The following ZBTB7C variants were observed in gnomAD, a reference collection of about 807,000 sequenced individuals.
The protein encoded by ZBTB7C is zinc finger and BTB domain-containing protein 7C.
A neutral mutation model predicts 25.7 loss-of-function variants in ZBTB7C; 8 were observed. That is an observed-to-expected ratio of 0.31 (90% CI 0.18 to 0.56). The LOEUF is 0.56. Among genes scored for constraint, ZBTB7C ranks in the 20% least tolerant of loss-of-function variants. ZBTB7C has a pLI of 0.91. For missense variants in ZBTB7C, 824 were observed against 855.2 expected, an observed-to-expected ratio of 0.96 and a Z score of 0.46; for synonymous variants, 394 against 369.0, an observed-to-expected ratio of 1.07 and a Z score of -0.78.
At chr18:48,316,273 T>C (rs2045944553) in intron 2 of ZBTB7C, among the ~76,000 whole-genome samples, 1 of 152,226 alleles carries the variant, frequency 6.6e-6, no homozygotes, top group Non-Finnish European at 1.5e-5. Context: ...AATCCTTCCA[T>C]GTATGGGTTT....
At chr18:48,226,496 A>G (rs1599140960) in intron 2 of ZBTB7C, among the ~76,000 whole-genome samples, 1 of 152,360 alleles carries the variant, frequency 6.6e-6, no homozygotes, top group East Asian at 1.9e-4. Context: ...GAGGTATTTA[A>G]GGCTAATTCC....
intron 2 of ZBTB7C, among the ~76,000 whole-genome samples, chr18:48,314,104 C>T (rs1598849408): frequency 6.6e-6 from 1 of 152,298 alleles, no homozygotes; most frequent in East Asian, 1.9e-4. Context: ...TTATAAATTA[C>T]CCTGTCTCAG....
At chr18:48,289,116 G>A (rs2144676591) in intron 2 of ZBTB7C, among the ~76,000 whole-genome samples, 1 of 152,230 alleles carries the variant, frequency 6.6e-6, no homozygotes, top group East Asian at 1.9e-4. Context: ...GGCATTGATT[G>A]GCTAAATGGG....
chr18:48,188,893 T>A (rs1422385514), intron 2 of ZBTB7C, among the ~76,000 whole-genome samples: 2 of 152,196 alleles, frequency 1.3e-5, no homozygotes, highest in Non-Finnish European at 2.9e-5. Flanking sequence ...ACCTCCCTCA[T>A]CAAGCCTTCC....
intron 1 of ZBTB7C, among the ~76,000 whole-genome samples, chr18:48,371,614 T>C (rs2047390219): frequency 6.6e-6 from 1 of 152,214 alleles, no homozygotes; most frequent in Non-Finnish European, 1.5e-5. Context: ...AGGACTTCCA[T>C]GCCACATGAT....
chr18:48,363,924 C>A (rs2047168367), intron 1 of ZBTB7C, among the ~76,000 whole-genome samples: 1 of 152,104 alleles, frequency 6.6e-6, no homozygotes, highest in Non-Finnish European at 1.5e-5. Flanking sequence ...ACCCCACAGC[C>A]TCCCAGATGA....
At chr18:48,268,668 G>T (rs1404101604) in intron 2 of ZBTB7C, among the ~76,000 whole-genome samples, 1 of 152,196 alleles carries the variant, frequency 6.6e-6, no homozygotes, top group Non-Finnish European at 1.5e-5. Flanking sequence ...CAAGGTCAAG[G>T]CCTAGGCTAG....
At chr18:48,065,715 G>A (rs766435645) in intron 3 of ZBTB7C, among the ~76,000 whole-genome samples, 22 of 152,264 alleles carry the variant, frequency 1.4e-4, no homozygotes, top group African/African-American at 9.6e-5. Flanking sequence ...CTGACCTCTC[G>A]CCCTGGCTCT....
At chr18:48,404,994 C>A (rs184567407) in intron 1 of ZBTB7C, among the ~76,000 whole-genome samples, 2 of 152,304 alleles carry the variant, frequency 1.3e-5, no homozygotes, top group African/African-American at 4.8e-5. Flanking sequence ...GAAGTCTCCC[C>A]CTGGTAAAAC....
intron 2 of ZBTB7C, among the ~76,000 whole-genome samples, chr18:48,305,271 T>C (rs900386450): frequency 2.0e-5 from 3 of 152,174 alleles, no homozygotes; most frequent in African/African-American, 7.2e-5. Context: ...CAGCCATCCA[T>C]ACCTGAGACC....
chr18:48,320,490 T>C lies in ZBTB7C; in HGVS notation c.-79+17684A>G, dbSNP rs372084292. Among the ~76,000 whole-genome samples, 11 of 152,240 alleles carry C rather than the reference T, an allele frequency of 7.2e-5. 1 individual carries two copies. The highest frequency in any genetic ancestry group is 2.6e-4 in the African/African-American group (11 of 41,544). On this transcript the variant is annotated intron_variant, in intron 2 of 4. Transcript: ENST00000590800. Reference sequence around the variant, plus strand: ...GAGGCTGGGAGGCCAATCAGTAGGCTATTGTGCTAATCCAGGTGAGAGGTG... The same window carrying C: ...GAGGCTGGGAGGCCAATCAGTAGGCCATTGTGCTAATCCAGGTGAGAGGTG...
chr18:48,256,315 T>C (rs1184622431), intron 2 of ZBTB7C, among the ~76,000 whole-genome samples: 4 of 151,704 alleles, frequency 2.6e-5, no homozygotes, highest in Admixed American at 2.0e-4. Flanking sequence ...AGTATAGGGA[T>C]TACAGCAGAT....
At chr18:48,137,084 G>T in intron 3 of ZBTB7C, 2 of 985,458 alleles carry the variant, frequency 2.0e-6, no homozygotes, top group Non-Finnish European at 2.4e-6. Flanking sequence ...GGGAATCCAC[G>T]CGGCCGCGCT....
chr18:48,274,498 C>G (rs1393000072), intron 2 of ZBTB7C, among the ~76,000 whole-genome samples: 1 of 152,156 alleles, frequency 6.6e-6, no homozygotes, highest in Non-Finnish European at 1.5e-5. Flanking sequence ...GTCTCAAACT[C>G]AGCACTGCCA....
chr18:48,199,469 G>C (rs547843900), intron 2 of ZBTB7C, among the ~76,000 whole-genome samples: 1 of 152,176 alleles, frequency 6.6e-6, no homozygotes, highest in African/African-American at 2.4e-5. Flanking sequence ...TTCCTTGGAT[G>C]TTTCTTTTTT....
intron 1 of ZBTB7C, among the ~76,000 whole-genome samples, chr18:48,407,793 G>A (rs1599062906): frequency 6.6e-6 from 1 of 152,142 alleles, no homozygotes; most frequent in Non-Finnish European, 1.5e-5. Context: ...ACCGGACCAA[G>A]GAGAATGAAG....
intron 2 of ZBTB7C, among the ~76,000 whole-genome samples, chr18:48,238,071 A>C (rs578148603): frequency 2.6e-5 from 4 of 152,328 alleles, no homozygotes; most frequent in Admixed American, 6.5e-5. Flanking sequence ...ATGAAAACAC[A>C]GCTGGTAAGA....
intron 3 of ZBTB7C, among the ~76,000 whole-genome samples, chr18:48,101,954 T>C (rs2038846402): frequency 6.6e-6 from 1 of 152,166 alleles, no homozygotes; most frequent in African/African-American, 2.4e-5. Context: ...AAGAGATCCT[T>C]CTTAAATAAG....
intron 3 of ZBTB7C, among the ~76,000 whole-genome samples, chr18:48,085,593 A>C (rs928938137): frequency 2.6e-5 from 4 of 152,180 alleles, no homozygotes; most frequent in African/African-American, 9.7e-5. Flanking sequence ...TCAATTCTAC[A>C]TCCTAGGGTT....
Sources: gnomAD v4.1 joint callset for allele counts (sites outside exome capture counted in the v4.1 genomes callset) on GRCh38, gnomAD v4.1.1 for gene constraint, MANE v1.5 for transcripts, NCBI Gene and HGNC (gene_info 2026-07-23, HGNC 2026-07-21) for gene names.